SMOC1: variants seen among roughly 807,000 people sequenced by gnomAD.
SMOC1 encodes SPARC-related modular calcium-binding protein 1.
A neutral mutation model predicts 56.3 loss-of-function variants in SMOC1; 22 were observed. The ratio of observed to expected loss-of-function variants is 0.39; its 90% CI spans 0.28 to 0.56. The LOEUF is 0.56. SMOC1 is among the 20% of genes least tolerant of loss of function. SMOC1 has a pLI of 0.61. For synonymous variants in SMOC1, 193 were observed against 215.0 expected (o/e 0.90, Z 0.89); for missense variants, 509 against 565.4 (o/e 0.90, Z 1.01).
chr14:69,907,570 G>A (rs1301785936), intron 1 of SMOC1, among the ~76,000 whole-genome samples: 1 of 152,150 alleles, frequency 6.6e-6, no homozygotes, highest in East Asian at 1.9e-4. Context: ...AGAATTTAGG[G>A]TAACTACTAT....
chr14:69,908,341 A>G (rs1884466061), intron 1 of SMOC1, among the ~76,000 whole-genome samples: 1 of 152,254 alleles, frequency 6.6e-6, no homozygotes, highest in African/African-American at 2.4e-5. Flanking sequence ...AAACCAAAGC[A>G]ACCACTGAAT....
intron 1 of SMOC1, among the ~76,000 whole-genome samples, chr14:69,928,901 C>T (rs1885089079): frequency 6.6e-6 from 1 of 152,148 alleles, no homozygotes. Context: ...GTCAAGCCCC[C>T]AACTCTTAGG....
At chr14:69,981,611 A>G (rs2139516631) in intron 5 of SMOC1, among the ~76,000 whole-genome samples, 1 of 152,256 alleles carries the variant, frequency 6.6e-6, no homozygotes, top group South Asian at 2.1e-4. Flanking sequence ...GAAGAGAGGA[A>G]GAGGGCCCCA....
chr14:69,911,839 A>G (rs1350770041), intron 1 of SMOC1, among the ~76,000 whole-genome samples: 4 of 152,228 alleles, frequency 2.6e-5, no homozygotes, highest in African/African-American at 4.8e-5. Context: ...TTGTATGAAC[A>G]TAAGTGTTCA....
chr14:70,001,961 C>T (rs1186302547), intron 7 of SMOC1, among the ~76,000 whole-genome samples: 1 of 152,202 alleles, frequency 6.6e-6, no homozygotes, highest in African/African-American at 2.4e-5. Context: ...ACATGCCAGA[C>T]CCTTCGATAG....
intron 5 of SMOC1, among the ~76,000 whole-genome samples, chr14:69,985,228 A>G (rs923431853): frequency 6.6e-6 from 1 of 152,220 alleles, no homozygotes; most frequent in African/African-American, 2.4e-5. Flanking sequence ...GCTAAAAGAA[A>G]AAGTAGTGTC....
intron 11 of SMOC1, among the ~76,000 whole-genome samples, chr14:70,026,739 G>A (rs1031547571): frequency 6.6e-6 from 1 of 152,102 alleles, no homozygotes; most frequent in African/African-American, 2.4e-5. Flanking sequence ...GTCTCTGAAT[G>A]TATATACACA....
chr14:69,914,543 C>G (rs1594799069), intron 1 of SMOC1, among the ~76,000 whole-genome samples: 4 of 151,986 alleles, frequency 2.6e-5, no homozygotes, highest in Non-Finnish European at 5.9e-5. Flanking sequence ...CCTTAACACC[C>G]ACACGATCAG....
intron 1 of SMOC1, among the ~76,000 whole-genome samples, chr14:69,889,722 T>TA (rs5809446): frequency 0.068 from 10,387 of 152,286 alleles, 546 homozygotes; most frequent in Non-Finnish European, 0.11. Context: ...CTTAATGGGC[T>TA]AAAAAAATCA....
At chr14:69,905,811 G>A (rs1349085238) in intron 1 of SMOC1, among the ~76,000 whole-genome samples, 1 of 152,244 alleles carries the variant, frequency 6.6e-6, no homozygotes, top group East Asian at 1.9e-4. Context: ...ATTAGGTGGT[G>A]TCATGAATCA....
chr14:69,940,976 C>T (rs1276893704), intron 1 of SMOC1, among the ~76,000 whole-genome samples: 1 of 152,158 alleles, frequency 6.6e-6, no homozygotes, highest in Admixed American at 6.5e-5. Context: ...AAATAAATGC[C>T]TTCCGTCTCT....
At position 69,994,309 on chromosome 14, in the gene SMOC1, GA is replaced by G. The variant is rs1264275950; in HGVS notation, c.584-86del. 6.7e-6 allele frequency: 7 copies of G among 1,042,278 alleles called. No individual in the cohort carries two copies. In the African/African-American group the frequency reaches 1.1e-4, roughly 16 times the overall value. The allele number at this position is 1,042,278 out of a possible 1,614,324, so 64.6% of individuals were successfully genotyped here. On this transcript the variant is annotated intron_variant, in intron 6 of 11. Transcript: ENST00000361956. ...CTGAAGCCTCAATGCCTCAGACTTTGAAAAATGACTATTAAGAAGTCTGAGG... is the reference window on the plus strand; with the variant it reads ...CTGAAGCCTCAATGCCTCAGACTTTGAAAATGACTATTAAGAAGTCTGAGG...
chr14:69,976,452 A>G (rs1883957479), intron 4 of SMOC1, among the ~76,000 whole-genome samples: 1 of 152,234 alleles, frequency 6.6e-6, no homozygotes, highest in Non-Finnish European at 1.5e-5. Context: ...GAAGTCTCTC[A>G]GGTGATTCTG....
At chr14:69,917,681 T>C (rs1186221267) in intron 1 of SMOC1, among the ~76,000 whole-genome samples, 5 of 152,376 alleles carry the variant, frequency 3.3e-5, no homozygotes, top group South Asian at 2.1e-4. Context: ...ATAGTCATGC[T>C]GTTCTTTTCC....
At chr14:69,983,273 C>G (rs1415820250) in intron 5 of SMOC1, among the ~76,000 whole-genome samples, 1 of 152,174 alleles carries the variant, frequency 6.6e-6, no homozygotes, top group Non-Finnish European at 1.5e-5. Context: ...TCATTTGAAT[C>G]CCTGGTGTTA....
At chr14:69,942,751 A>G (rs1019647926) in intron 1 of SMOC1, among the ~76,000 whole-genome samples, 1 of 152,044 alleles carries the variant, frequency 6.6e-6, no homozygotes, top group Admixed American at 6.5e-5. Context: ...CTTAACCCTC[A>G]CTTTATGTGC....
At chr14:69,892,098 A>G (rs1348867485) in intron 1 of SMOC1, among the ~76,000 whole-genome samples, 2 of 152,220 alleles carry the variant, frequency 1.3e-5, no homozygotes, top group Admixed American at 6.5e-5. Context: ...GAGGGTTTCA[A>G]TCCACTGAAC....
intron 1 of SMOC1, among the ~76,000 whole-genome samples, chr14:69,902,883 G>A (rs1301964223): frequency 6.6e-6 from 1 of 152,204 alleles, no homozygotes; most frequent in Admixed American, 6.5e-5. Context: ...GCCTCCCAAG[G>A]TGCCGGGATT....
At chr14:69,914,751 T>G (rs1884640253) in intron 1 of SMOC1, among the ~76,000 whole-genome samples, 2 of 152,214 alleles carry the variant, frequency 1.3e-5, no homozygotes, top group African/African-American at 4.8e-5. Context: ...TCACTAGAAA[T>G]TTGTTCTTAC....
Sources: gnomAD v4.1 joint callset for allele counts (sites outside exome capture counted in the v4.1 genomes callset) on GRCh38, gnomAD v4.1.1 for gene constraint, MANE v1.5 for transcripts, NCBI Gene and HGNC (gene_info 2026-07-23, HGNC 2026-07-21) for gene names.